CGNL1: variants seen among roughly 807,000 people sequenced by gnomAD.
The protein encoded by CGNL1 is cingulin like 1, also known as cingulin-like protein 1.
CGNL1 carries 132 observed loss-of-function variants against 141.2 expected under a neutral mutation model. That is an observed-to-expected ratio of 0.93 (90% CI 0.81 to 1.08). CGNL1 has a LOEUF of 1.08. Ranked by LOEUF, CGNL1 falls within the 50% of genes least tolerant of loss-of-function variation. CGNL1 has a pLI of 0.00. For synonymous variants in CGNL1, 690 were observed against 622.1 expected (o/e 1.11, Z -1.63); for missense variants, 1,870 against 1,588.6 (o/e 1.18, Z -3.01).
In CGNL1 at chr15:57,550,558, A is replaced by G. The variant is rs2033067029; in HGVS notation, c.*3068A>G. 3 of 152,624 alleles carry G rather than the reference A, an allele frequency of 2.0e-5. No homozygotes were observed. Among genetic ancestry groups the G allele is most frequent in the African/African-American group, 7.2e-5 (3 of 41,446 alleles). The allele number at this position is 152,624 out of a possible 1,614,324, so 9.5% of individuals were successfully genotyped here. On this transcript the variant is annotated 3_prime_UTR_variant, in exon 19 of 19. Transcript: ENST00000281282. ...TCCTGCTTCTGAGTGTCGTTCTACA[A>G]TGCCCGTTGACTTATTCCATTGCGT...
At chr15:57,479,087 C>A (rs1183026035) in intron 8 of CGNL1, among the ~76,000 whole-genome samples, 7 of 152,174 alleles carry the variant, frequency 4.6e-5, no homozygotes. Context: ...CAGGAAGGTG[C>A]AAGGAGTTGT....
chr15:57,547,676 T>C lies in CGNL1; in HGVS notation c.*186T>C, dbSNP rs1240762112. ...TCAGTGGGTCTTCGACAGAGAGCTT[T>C]TGCAGTTTAAAATGTTGGGATGCCT... is the stretch of plus-strand genomic sequence containing the variant. On this transcript the variant is annotated 3_prime_UTR_variant, in exon 19 of 19. Transcript: ENST00000281282. 4.3e-5 allele frequency: 26 copies of C among 606,474 alleles called. No individual in the cohort carries two copies. Among genetic ancestry groups the C allele is most frequent in the Non-Finnish European group, 2.7e-6 (1 of 372,192 alleles). The allele number at this position is 606,474 out of a possible 1,614,324, so 37.6% of individuals were successfully genotyped here.
intron 1 of CGNL1, among the ~76,000 whole-genome samples, chr15:57,392,764 G>T (rs2062557316): frequency 6.6e-6 from 1 of 152,142 alleles, no homozygotes; most frequent in African/African-American, 2.4e-5. Context: ...TGTTAACTGT[G>T]TTAATAGTCT....
intron 1 of CGNL1, among the ~76,000 whole-genome samples, chr15:57,385,738 C>T (rs2062475394): frequency 6.6e-6 from 1 of 152,254 alleles, no homozygotes; most frequent in Non-Finnish European, 1.5e-5. Context: ...GTCCCCCCAA[C>T]CTCCCCACCC....
intron 8 of CGNL1, among the ~76,000 whole-genome samples, chr15:57,487,896 C>T (rs955206): frequency 0.13 from 19,582 of 152,158 alleles, 1,875 homozygotes; most frequent in East Asian, 0.46. Flanking sequence ...CAAGGTTTTG[C>T]ATGGACGGAC....
Position 57,547,771 on chromosome 15 carries a change from C to T in CGNL1, c.*281C>T, listed in dbSNP as rs1456401126. On this transcript the variant is annotated 3_prime_UTR_variant, in exon 19 of 19. Transcript: ENST00000281282. ...CTTTGGTAGGCTGAGGCCCCTGTTCCACAGCCACTATTTGCATTGCTGTCC... is the reference window on the plus strand; with the variant it reads ...CTTTGGTAGGCTGAGGCCCCTGTTCTACAGCCACTATTTGCATTGCTGTCC... The T allele has an allele frequency of 2.9e-5, 11 of 382,444 alleles. No individual in the cohort carries two copies. The highest frequency in any genetic ancestry group is 4.7e-5 in the Non-Finnish European group (10 of 212,864). The allele number at this position is 382,444 out of a possible 1,614,324, so 23.7% of individuals were successfully genotyped here.
intron 1 of CGNL1, among the ~76,000 whole-genome samples, chr15:57,379,427 G>C (rs1187692614): frequency 6.6e-6 from 1 of 152,144 alleles, no homozygotes; most frequent in South Asian, 2.1e-4. Flanking sequence ...ACTAGAAAAG[G>C]CCTTGGGTTT....
intron 1 of CGNL1, among the ~76,000 whole-genome samples, chr15:57,426,519 T>C (rs566402437): frequency 1.7e-4 from 25 of 151,262 alleles, no homozygotes; most frequent in Non-Finnish European, 2.7e-4. Flanking sequence ...CAATCATGGC[T>C]CACTGCAGCC....
In CGNL1 at chr15:57,440,385, G is replaced by A. The variant is rs1182420718; in HGVS notation, c.1611G>A (p.Pro537=). 9 of 1,598,928 alleles carry A rather than the reference G, an allele frequency of 5.6e-6. No homozygotes were observed. The highest frequency in any genetic ancestry group is 1.7e-5 in the Admixed American group (1 of 58,500). The change falls in exon 3 of 19, where the codon CCG becomes CCA. Residue 537 remains proline, a synonymous_variant. Transcript: ENST00000281282. ...CAGGCCTTATGTTCCAGGCCACACC[G>A]GATCTCTTAAAGGGCCAGCAAGAGC... ...FPSASNTQAT[P]DLLKGQQELT... is the part of the protein sequence containing the mutation.
chr15:57,547,338 C>G lies in CGNL1; in HGVS notation c.3774-17C>G. On this transcript the variant is annotated splice_polypyrimidine_tract_variant and intron_variant, in intron 18 of 18. Coordinates refer to ENST00000281282, the MANE Select transcript of CGNL1 (RefSeq NM_032866.5). Reference sequence around the variant, plus strand: ...CCGGCCCAGGGCCAGGAAACATGCCCCTTGTCATTTCAGCAGACTGAAGAA... The same window carrying G: ...CCGGCCCAGGGCCAGGAAACATGCCGCTTGTCATTTCAGCAGACTGAAGAA... 5 of 1,613,546 alleles carry G rather than the reference C, an allele frequency of 3.1e-6. No individual in the cohort carries two copies. The highest frequency in any genetic ancestry group is 4.2e-6 in the Non-Finnish European group (5 of 1,179,790).
intron 1 of CGNL1, among the ~76,000 whole-genome samples, chr15:57,418,889 G>C (rs992275484): frequency 7.9e-5 from 12 of 151,724 alleles, no homozygotes; most frequent in Non-Finnish European, 1.6e-4. Context: ...TGCAGCCCTG[G>C]AGTGACCACA....
chr15:57,395,869 T>A (rs1356100363), intron 1 of CGNL1, among the ~76,000 whole-genome samples: 2 of 60,520 alleles, frequency 3.3e-5, no homozygotes, highest in African/African-American at 1.0e-4. Flanking sequence ...TAAAAAACAT[T>A]TTTTTTAATT....
intron 8 of CGNL1, among the ~76,000 whole-genome samples, chr15:57,472,728 T>C (rs2063598412): frequency 6.6e-6 from 1 of 152,220 alleles, no homozygotes; most frequent in Non-Finnish European, 1.5e-5. Context: ...TGCTCCTTGC[T>C]AAGTGCCAGT....
At chr15:57,427,448 T>C (rs1426658118) in intron 1 of CGNL1, among the ~76,000 whole-genome samples, 1 of 152,090 alleles carries the variant, frequency 6.6e-6, no homozygotes, top group Non-Finnish European at 1.5e-5. Flanking sequence ...ACTGGGTTGG[T>C]TTGTGAATCG....
chr15:57,543,585 C>T, intron 14 of CGNL1, 111 bp from the exon 15 acceptor site: 2 of 926,160 alleles, frequency 2.2e-6, no homozygotes, highest in African/African-American at 1.7e-5. Flanking sequence ...CTGGGTAGGG[C>T]AACCCCCTTC....
chr15:57,399,786 G>A (rs952335142), intron 1 of CGNL1, among the ~76,000 whole-genome samples: 1 of 152,044 alleles, frequency 6.6e-6, no homozygotes, highest in Non-Finnish European at 1.5e-5. Flanking sequence ...CAGCACTGAG[G>A]CTGGAGGATT....
At chr15:57,421,277 G>A (rs1276972046) in intron 1 of CGNL1, among the ~76,000 whole-genome samples, 1 of 152,180 alleles carries the variant, frequency 6.6e-6, no homozygotes, top group African/African-American at 2.4e-5. Context: ...TGTTGTTTAA[G>A]CCACTCAGTC....
In CGNL1 at chr15:57,440,321, T is replaced by C. The variant is rs1230802191; in HGVS notation, c.1603-56T>C. 3.8e-6 allele frequency: 5 copies of C among 1,308,426 alleles called. No homozygotes were observed. In the African/African-American group the frequency reaches 7.3e-5, roughly 19 times the overall value. 81.1% of individuals were successfully genotyped at this position (1,308,426 alleles called of 1,614,324 possible). ...GCTCACTGGAGGAATTGTTTGGTGT[T>C]TGGAAGCCTCTGGGAACTTCATCCT... On this transcript the variant is annotated intron_variant, in intron 2 of 18. Coordinates refer to ENST00000281282, the MANE Select transcript of CGNL1 (RefSeq NM_032866.5).
At chr15:57,392,958 G>A (rs2062559546) in intron 1 of CGNL1, among the ~76,000 whole-genome samples, 1 of 152,174 alleles carries the variant, frequency 6.6e-6, no homozygotes, top group African/African-American at 2.4e-5. Flanking sequence ...GCCAGTATTA[G>A]TAGAAGAGTG....
Sources: gnomAD v4.1 joint callset for allele counts (sites outside exome capture counted in the v4.1 genomes callset) on GRCh38, gnomAD v4.1.1 for gene constraint, MANE v1.5 for transcripts, NCBI Gene and HGNC (gene_info 2026-07-23, HGNC 2026-07-21) for gene names.